The following HPS3 variants were observed in gnomAD, a reference collection of about 807,000 sequenced individuals.
HPS3 encodes HPS3 biogenesis of lysosomal organelles complex 2 subunit 1.
In HPS3, 79 loss-of-function variants were observed where a neutral mutation model predicts 110.9. The observed-to-expected ratio is 0.71, with a 90% CI of 0.59 to 0.86. HPS3 has a LOEUF of 0.86. Ranked by LOEUF, HPS3 falls within the 40% of genes least tolerant of loss-of-function variation. The pLI, the probability that HPS3 is intolerant of heterozygous loss-of-function variation, is 0.00. For synonymous variants in HPS3, 428 were observed against 451.0 expected, an observed-to-expected ratio of 0.95 and a Z score of 0.65; for missense variants, 1,197 against 1,206.2, an observed-to-expected ratio of 0.99 and a Z score of 0.11.
chr3:149,155,502 A>T (rs1723403170), intron 8 of HPS3, among the ~76,000 whole-genome samples: 1 of 152,066 alleles, frequency 6.6e-6, no homozygotes. Flanking sequence ...CTTAATTTGA[A>T]CTCTAGCAAA....
chr3:149,157,602 A>C (rs1159442554), intron 9 of HPS3, 71 bp downstream of exon 9: 1 of 1,388,106 alleles, frequency 7.2e-7, no homozygotes, highest in Non-Finnish European at 1.0e-6. Flanking sequence ...TAGCTTTTCC[A>C]TCTCTGGTAG....
chr3:149,139,904 G>T, intron 1 of HPS3, 100 bp from the exon 2 acceptor site: 4 of 1,120,836 alleles, frequency 3.6e-6, no homozygotes, highest in Non-Finnish European at 5.3e-6. Flanking sequence ...TCTTTAATTC[G>T]ACCATTTGTG....
At chr3:149,159,732 A>AT (rs1723671902) in intron 10 of HPS3, among the ~76,000 whole-genome samples, 1 of 152,148 alleles carries the variant, frequency 6.6e-6, no homozygotes, top group East Asian at 1.9e-4. Context: ...TTTATGATGG[A>AT]TTTTTATTGT....
intron 2 of HPS3, 124 bp downstream of exon 2, chr3:149,140,622 A>G (rs943615848): frequency 2.1e-5 from 22 of 1,032,678 alleles, no homozygotes; most frequent in East Asian, 1.3e-4. Context: ...AGTTATTCCT[A>G]TTTCATGGGA....
Position 149,162,255 on chromosome 3 carries a change from T to G in HPS3, c.2214T>G (p.Pro738=). The change falls in exon 12 of 17, where the codon CCT becomes CCG. Residue 738 remains proline, a synonymous_variant. Transcript: ENST00000296051. ...ELALHLKETQ[P]GLLVASVLGL... The stretch of plus-strand genomic sequence containing the variant: ...CACTTCACTTGAAGGAAACTCAGCC[T>G]GGATTGCTTGTGGCTTCAGTTCTGG... 1 of 1,614,022 alleles carries G rather than the reference T, an allele frequency of 6.2e-7. No individual in the cohort carries two copies. The highest frequency in any genetic ancestry group is 2.2e-5 in the East Asian group (1 of 44,872).
At chr3:149,153,845 G>A in intron 7 of HPS3, 197 bp downstream of exon 7, 1 of 601,874 alleles carries the variant, frequency 1.7e-6, no homozygotes, top group Non-Finnish European at 2.9e-6. Flanking sequence ...GAAACTTTTA[G>A]GAGAAAATGG....
At position 149,153,560 on chromosome 3, in the gene HPS3, A is replaced by G; in HGVS notation, c.1312A>G (p.Ile438Val). ...ACAGCTTTTCATAGGCTTGAAAGCC[A>G]TCTGTCACTTTAAAAACCACATCAT... ...RIQLFIGLKAICHFKNHIILL... is the reference protein window; with the variant it reads ...RIQLFIGLKAVCHFKNHIILL... The change falls in exon 7 of 17, where the codon ATC becomes GTC. Residue 438 changes from isoleucine (I) to valine (V), a missense_variant. Ile to Val is a conservative substitution (Grantham distance 29). Transcript: ENST00000296051. 5 of 1,614,032 alleles carry G rather than the reference A, an allele frequency of 3.1e-6. No individual in the cohort carries two copies. Among genetic ancestry groups the G allele is most frequent in the Non-Finnish European group, 4.2e-6 (5 of 1,179,866 alleles).
At chr3:149,146,541 A>G (rs534455150) in intron 5 of HPS3, among the ~76,000 whole-genome samples, 1 of 152,366 alleles carries the variant, frequency 6.6e-6, no homozygotes, top group East Asian at 1.9e-4. Flanking sequence ...GGAACATCCA[A>G]AAATTAATTG....
At chr3:149,150,573 T>G in intron 5 of HPS3, 26 bp from the exon 6 acceptor site, 3 of 1,607,178 alleles carry the variant, frequency 1.9e-6, no homozygotes, top group Non-Finnish European at 2.6e-6. Flanking sequence ...CTCACTTTGC[T>G]CAGCAGCCTG....
At chr3:149,142,000 C>A (rs1461631791) in intron 4 of HPS3, among the ~76,000 whole-genome samples, 1 of 151,766 alleles carries the variant, frequency 6.6e-6, no homozygotes, top group Non-Finnish European at 1.5e-5. Flanking sequence ...ACAGGAATGC[C>A]CCACCACGCC....
chr3:149,157,436 C>A lies in HPS3; in HGVS notation c.1596C>A (p.Ala532=), dbSNP rs749470808. Residue 532 remains alanine, a synonymous_variant, in exon 9 of 17, where the codon GCC becomes GCA. Transcript: ENST00000296051. The part of the protein sequence containing the change: ...LSEAHLLVRA[A]LMDASQLEPG... ...AGGCTCATCTGTTAGTGCGAGCTGC[C>A]CTGATGGATGCCAGTCAGCTGGAAC... The A allele has an allele frequency of 6.2e-7, 1 of 1,613,836 alleles. No homozygotes were observed. The highest frequency in any genetic ancestry group is 8.5e-7 in the Non-Finnish European group (1 of 1,179,868).
At chr3:149,130,210 C>G (rs961813246) in intron 1 of HPS3, 7 of 556,862 alleles carry the variant, frequency 1.3e-5, no homozygotes, top group Non-Finnish European at 2.2e-5. Context: ...AGGCCTCTGG[C>G]TGGATTCCAC....
intron 13 of HPS3, among the ~76,000 whole-genome samples, chr3:149,163,081 G>A (rs989936990): frequency 6.6e-6 from 1 of 152,176 alleles, no homozygotes; most frequent in Non-Finnish European, 1.5e-5. Flanking sequence ...TCTAAAGAAT[G>A]TCCTCTACTT....
chr3:149,156,099 C>T (rs1723438428), intron 8 of HPS3, among the ~76,000 whole-genome samples: 1 of 152,190 alleles, frequency 6.6e-6, no homozygotes, highest in African/African-American at 2.4e-5. Flanking sequence ...GATTTCTCCA[C>T]AGTCAACATT....
rs752745978 is a variant in HPS3, at chr3:149,163,843, T to TA, written c.2486dup (p.Asn829LysfsTer4). 2.0e-6 allele frequency: 3 copies of TA among 1,485,794 alleles called. No individual in the cohort carries two copies. Among genetic ancestry groups the TA allele is most frequent in the Non-Finnish European group, 2.8e-6 (3 of 1,062,956 alleles). 92.0% of individuals were successfully genotyped at this position (1,485,794 alleles called of 1,614,324 possible). On this transcript the variant is annotated frameshift_variant and splice_region_variant, in exon 14 of 17. Transcript: ENST00000296051. LOFTEE classifies it high-confidence loss of function. ...ATGAGAAATTCTTTTATGTTTTAGA[T>TA]AAATGCCTGTAGTCATTATGGCTTA... is the stretch of plus-strand genomic sequence containing the variant.
At chr3:149,131,280 T>C (rs1453793690) in intron 1 of HPS3, among the ~76,000 whole-genome samples, 1 of 152,200 alleles carries the variant, frequency 6.6e-6, no homozygotes, top group Non-Finnish European at 1.5e-5. Context: ...CTTGTTTTTT[T>C]TGCATTTCAC....
intron 10 of HPS3, 46 bp from the exon 11 acceptor site, chr3:149,160,000 G>T: frequency 7.1e-7 from 1 of 1,401,192 alleles, no homozygotes; most frequent in Non-Finnish European, 1.0e-6. Flanking sequence ...GCTTTCTTCT[G>T]GCTGACTGAC....
At chr3:149,136,393 C>T (rs1365395387) in intron 1 of HPS3, among the ~76,000 whole-genome samples, 1 of 152,104 alleles carries the variant, frequency 6.6e-6, no homozygotes, top group East Asian at 1.9e-4. Flanking sequence ...AGGCACTGCA[C>T]ACATAAAGCT....
In HPS3 at chr3:149,141,097, A is replaced by C; in HGVS notation, c.793A>C (p.Ser265Arg). Residue 265 changes from serine to arginine, a missense_variant, in exon 3 of 17, where the codon AGT (serine) becomes CGT (arginine). Transcript: ENST00000296051. ...GCCCCTGGAACTTCTTGGTGAAAAA[A>C]GTGAACAGTCTGGATTATCTGTTAC... is the stretch of plus-strand genomic sequence containing the variant. The part of the protein sequence containing the change: ...QKPLELLGEK[S>R]EQSGLSVTLE... 1 of 1,613,994 alleles carries C rather than the reference A, an allele frequency of 6.2e-7. No homozygotes were observed.
Sources: allele counts gnomAD v4.1 joint callset (sites outside exome capture counted in the v4.1 genomes callset), GRCh38; gene constraint gnomAD v4.1.1; transcripts MANE v1.5; gene names NCBI Gene and HGNC (gene_info 2026-07-23, HGNC 2026-07-21).